Variants in FBH1 observed in about 807,000 individuals in gnomAD.
The protein encoded by FBH1 is DNA 3'-5' helicase 1.
Under a neutral mutation model 115.5 loss-of-function variants are expected in FBH1, and 43 were observed. The ratio of observed to expected loss-of-function variants is 0.37; its 90% CI spans 0.29 to 0.48. The LOEUF is 0.48. Ranked by LOEUF, FBH1 falls within the 20% of genes least tolerant of loss-of-function variation. The pLI is 0.99. For synonymous variants in FBH1, 524 were observed against 507.8 expected, an observed-to-expected ratio of 1.03 and a Z score of -0.43; for missense variants, 1,001 against 1,337.3, an observed-to-expected ratio of 0.75 and a Z score of 3.92.
rs937730623 is a variant in FBH1, at chr10:5,911,870, T to G, written c.1211+742T>G. Among the ~76,000 whole-genome samples the G allele has an allele frequency of 2.0e-5, 3 of 151,590 alleles. No homozygotes were observed. The highest frequency in any genetic ancestry group is 7.3e-5 in the African/African-American group (3 of 41,166). ...AGGTAGTGTCTGAGTGAAACCTGAG[T>G]GTGGAGGAGGAACCGCCGTTTCACA... is the stretch of plus-strand genomic sequence containing the variant. On this transcript the variant is annotated intron_variant, in intron 6 of 20. Transcript: ENST00000362091. The surrounding 1 kb of genome is among the most constrained non-coding windows in gnomAD (Gnocchi z 5.4).
In FBH1 at chr10:5,918,277, C is replaced by T. The variant is rs1447996009; in HGVS notation, c.1964-65C>T. The T allele has an allele frequency of 1.3e-6, 2 of 1,583,674 alleles. No individual in the cohort carries two copies. The highest frequency in any genetic ancestry group is 1.4e-5 in the African/African-American group (1 of 72,512). On this transcript the variant is annotated intron_variant, in intron 12 of 20. Coordinates refer to ENST00000362091, the MANE Select transcript of FBH1 (RefSeq NM_178150.3). The surrounding 1 kb of genome is among the most constrained non-coding windows in gnomAD (Gnocchi z 4.0). ...TTAGCTTCGTGGAAGTGTTTTTGTCCTTTTCTTTTTGCTGCCTGGGGTGGA... is the reference window on the plus strand; with the variant it reads ...TTAGCTTCGTGGAAGTGTTTTTGTCTTTTTCTTTTTGCTGCCTGGGGTGGA...
rs1418185953 is a variant in FBH1 at position 5,913,247 on chromosome 10, C to G, written c.1212-500C>G. Among the ~76,000 whole-genome samples the G allele has an allele frequency of 6.6e-6, 1 of 152,136 alleles. No individual in the cohort carries two copies. Among genetic ancestry groups the G allele is most frequent in the African/African-American group, 2.4e-5 (1 of 41,406 alleles). On this transcript the variant is annotated intron_variant, in intron 6 of 20. Coordinates refer to ENST00000362091, the MANE Select transcript of FBH1 (RefSeq NM_178150.3). This position sits in a 1 kb window ranked among gnomAD's most constrained non-coding sequence, Gnocchi z 4.4. Reference sequence around the variant, plus strand: ...CAGATCTTGTTATCCATAGTGTAGTCCCTTTTCTTGGGACCTTAAAAGATA... The same window carrying G: ...CAGATCTTGTTATCCATAGTGTAGTGCCTTTTCTTGGGACCTTAAAAGATA...
chr10:5,905,991 A>G (rs758768847), intron 2 of FBH1, 46 bp from the exon 3 acceptor site: 2 of 1,381,432 alleles, frequency 1.4e-6, no homozygotes, highest in African/African-American at 2.9e-5. Context: ...GCAGGTCAAC[A>G]GTCATCGTTC....
Position 5,916,366 on chromosome 10 carries a change from G to A in FBH1, c.1698G>A (p.Ser566=), listed in dbSNP as rs374597209. The change falls in exon 10 of 21, where the codon TCG becomes TCA. Residue 566 remains serine, a synonymous_variant. Coordinates refer to ENST00000362091, the MANE Select transcript of FBH1 (RefSeq NM_178150.3). The part of the protein sequence containing the change: ...VCKTLENFFA[S]ADEELTIDHV... ...AGACTCTAGAAAACTTCTTTGCCTC[G>A]GCTGACGAAGAGCTGACCATTGATC... 75 of 1,614,094 alleles carry A rather than the reference G, an allele frequency of 4.6e-5. No homozygotes were observed. Among genetic ancestry groups the A allele is most frequent in the Non-Finnish European group, 6.0e-5 (71 of 1,180,058 alleles).
At chr10:5,920,574 AT>A (rs2132039391) in intron 13 of FBH1, among the ~76,000 whole-genome samples, 1 of 150,484 alleles carries the variant, frequency 6.6e-6, no homozygotes, top group African/African-American at 2.5e-5. Context: ...ACTCATGGAT[AT>A]TTATGTTATA....
At chr10:5,892,255 T>G (rs2131814464) in intron 1 of FBH1, among the ~76,000 whole-genome samples, 1 of 152,346 alleles carries the variant, frequency 6.6e-6, no homozygotes, top group South Asian at 2.1e-4. Context: ...ACTTGCTCCT[T>G]GGCTGCCCTT....
chr10:5,898,381 C>T (rs1843132646), intron 1 of FBH1, among the ~76,000 whole-genome samples: 1 of 152,108 alleles, frequency 6.6e-6, no homozygotes, highest in South Asian at 2.1e-4. Flanking sequence ...GGGACTCCAC[C>T]CTTGTGACCT....
At position 5,925,943 on chromosome 10, in the gene FBH1, G is replaced by T. The variant is rs7075778; in HGVS notation, c.2722+451G>T. ...AAGCATTCTTTATCATTTGTCTGGT[G>T]TTTTTTGGTACAGACAGGGGTCTCA... On this transcript the variant is annotated intron_variant, in intron 18 of 20. Transcript: ENST00000362091. This position sits in a 1 kb window ranked among gnomAD's most constrained non-coding sequence, Gnocchi z 4.6. 0.91 allele frequency among the ~76,000 whole-genome samples: 139,160 copies of T among 152,186 alleles called. 63,725 individuals are homozygous for T. The highest frequency in any genetic ancestry group is 0.96 in the African/African-American group (40,050 of 41,524).
chr10:5,918,196 A>T lies in FBH1; in HGVS notation c.1964-146A>T. On this transcript the variant is annotated intron_variant, in intron 12 of 20. Coordinates refer to ENST00000362091, the MANE Select transcript of FBH1 (RefSeq NM_178150.3). The surrounding 1 kb of genome is among the most constrained non-coding windows in gnomAD (Gnocchi z 4.0). ...GTCCATTATAAAATGGCTGCTTTTGATGGAGTGTGCCTGTCCTACAGGAAA... is the reference window on the plus strand; with the variant it reads ...GTCCATTATAAAATGGCTGCTTTTGTTGGAGTGTGCCTGTCCTACAGGAAA... 1 of 842,372 alleles carries T rather than the reference A, an allele frequency of 1.2e-6. No homozygotes were observed. Among genetic ancestry groups the T allele is most frequent in the Non-Finnish European group, 1.9e-6 (1 of 540,232 alleles). The allele number at this position is 842,372 out of a possible 1,614,324, so 52.2% of individuals were successfully genotyped here.
At position 5,923,735 on chromosome 10, in the gene FBH1, A is replaced by G. The variant is rs1318925300; in HGVS notation, c.2398+39A>G. ...TGGCCTTGGTGCATTGGAAGGACGC[A>G]CCCAAGTGACAGGGACGAGAAAGAA... On this transcript the variant is annotated intron_variant, in intron 16 of 20. Coordinates refer to ENST00000362091, the MANE Select transcript of FBH1 (RefSeq NM_178150.3). This position sits in a 1 kb window ranked among gnomAD's most constrained non-coding sequence, Gnocchi z 5.7. 6.4e-7 allele frequency: 1 copy of G among 1,566,316 alleles called. No individual in the cohort carries two copies. The highest frequency in any genetic ancestry group is 8.8e-7 in the Non-Finnish European group (1 of 1,140,930).
chr10:5,892,323 C>G (rs764999332), intron 1 of FBH1, among the ~76,000 whole-genome samples: 1 of 152,166 alleles, frequency 6.6e-6, no homozygotes, highest in Non-Finnish European at 1.5e-5. Context: ...GTACACTGAT[C>G]ATTTGACAGG....
At chr10:5,898,848 C>A (rs1378574717) in intron 1 of FBH1, among the ~76,000 whole-genome samples, 1 of 152,178 alleles carries the variant, frequency 6.6e-6, no homozygotes, top group East Asian at 1.9e-4. Context: ...CAGCAGTGAA[C>A]CAGGTGGGCT....
chr10:5,927,662 G>A (rs1057289820), intron 19 of FBH1, 121 bp downstream of exon 19: 3 of 708,284 alleles, frequency 4.2e-6, no homozygotes, highest in South Asian at 1.9e-5. Context: ...GAAGAGAAAC[G>A]CTGCTTGAAC....
At chr10:5,893,565 C>T (rs1842852962) in intron 1 of FBH1, among the ~76,000 whole-genome samples, 1 of 152,182 alleles carries the variant, frequency 6.6e-6, no homozygotes, top group Admixed American at 6.5e-5. Flanking sequence ...CACATTGTTT[C>T]CTTCCGCCTT....
chr10:5,891,005 A>AT (rs2131805465), intron 1 of FBH1: 2 of 239,728 alleles, frequency 8.3e-6, no homozygotes, highest in South Asian at 1.5e-4. Context: ...TGCCGTTTAC[A>AT]TTTTTTATTG....
Position 5,906,238 on chromosome 10 carries a change from C to G in FBH1, c.359C>G (p.Ser120Cys), listed in dbSNP as rs148367099. 30 of 1,614,052 alleles carry G rather than the reference C, an allele frequency of 1.9e-5. No homozygotes were observed. The highest frequency in any genetic ancestry group is 1.9e-5 in the Non-Finnish European group (23 of 1,180,026). The change falls in exon 3 of 21, where the codon TCC (serine) becomes TGC (cysteine). Residue 120 changes from serine to cysteine, a missense_variant. Physicochemically the swap from Ser to Cys is moderately radical, Grantham distance 112. Around this residue, in one of 4 missense-constraint regions of FBH1, gnomAD observed 420 missense variants for 430.4 expected, o/e 0.98. Coordinates refer to ENST00000362091, the MANE Select transcript of FBH1 (RefSeq NM_178150.3). The surrounding 1 kb of genome is among the most constrained non-coding windows in gnomAD (Gnocchi z 7.3). The part of the protein sequence containing the change: ...GPGSPGSAPP[S>C]RKRSWSSEEE... ...GGCTCACCAGGGTCTGCCCCGCCCT[C>G]CAGGAAGCGGTCTTGGTCCTCTGAG...
chr10:5,918,396 C>T lies in FBH1; in HGVS notation c.2018C>T (p.Pro673Leu), dbSNP rs761741299. 12 of 1,613,382 alleles carry T rather than the reference C, an allele frequency of 7.4e-6. No individual in the cohort carries two copies. The highest frequency in any genetic ancestry group is 1.3e-5 in the African/African-American group (1 of 74,852). Reference sequence around the variant, plus strand: ...TGTGGGAAAATCTTTGTAGGGGACCCGCACCAGCAGATCTATACCTTCCGG... The same window carrying T: ...TGTGGGAAAATCTTTGTAGGGGACCTGCACCAGCAGATCTATACCTTCCGG... Reference protein sequence around the residue: ...QPCGKIFVGDPHQQIYTFRGA... With the variant: ...QPCGKIFVGDLHQQIYTFRGA... Residue 673 changes from proline (P) to leucine (L), a missense_variant, in exon 13 of 21, where the codon CCG becomes CTG. Pro to Leu is a moderately conservative substitution (Grantham distance 98). Transcript: ENST00000362091. The surrounding 1 kb of genome is among the most constrained non-coding windows in gnomAD (Gnocchi z 4.0).
At chr10:5,902,321 TAAA>T (rs1232506679) in intron 1 of FBH1, among the ~76,000 whole-genome samples, 1 of 152,076 alleles carries the variant, frequency 6.6e-6, no homozygotes. Context: ...TTACTACAAT[TAAA>T]AAAAATTTAA....
chr10:5,914,959 A>G lies in FBH1; in HGVS notation c.1397-444A>G, dbSNP rs1470745274. Among the ~76,000 whole-genome samples the G allele has an allele frequency of 6.6e-6, 1 of 152,180 alleles. No individual in the cohort carries two copies. Among genetic ancestry groups the G allele is most frequent in the Non-Finnish European group, 1.5e-5 (1 of 68,020 alleles). On this transcript the variant is annotated intron_variant, in intron 8 of 20. Transcript: ENST00000362091. This position sits in a 1 kb window ranked among gnomAD's most constrained non-coding sequence, Gnocchi z 5.2. ...GTTTTATAGAGGAAGAAACTGAAGC[A>G]CAGAGAGCCTTGCCCGGGGTTGAAT...
Sources: allele counts gnomAD v4.1 joint callset (sites outside exome capture counted in the v4.1 genomes callset), GRCh38; gene constraint gnomAD v4.1.1; regional missense constraint gnomAD v4.1.1; non-coding constraint Gnocchi (gnomAD v3.1); transcripts MANE v1.5; gene names NCBI Gene and HGNC (gene_info 2026-07-23, HGNC 2026-07-21).